The following TCF7L2 variants were observed in gnomAD, a reference collection of about 807,000 sequenced individuals.
TCF7L2 encodes the protein transcription factor 7 like 2.
A neutral mutation model predicts 77.9 loss-of-function variants in TCF7L2; 23 were observed. That is an observed-to-expected ratio of 0.30 (90% CI 0.21 to 0.42). The LOEUF (loss-of-function observed/expected upper bound fraction) is 0.42. Among genes scored for constraint, TCF7L2 ranks in the 10% least tolerant of loss-of-function variants. TCF7L2 has a pLI of 1.00. For synonymous variants in TCF7L2, 413 were observed against 340.2 expected (o/e 1.21, Z -2.36); for missense variants, 654 against 793.1 (o/e 0.82, Z 2.11).
At chr10:113,040,733 G>A (rs2052301364) in intron 5 of TCF7L2, among the ~76,000 whole-genome samples, 1 of 152,186 alleles carries the variant, frequency 6.6e-6, no homozygotes, top group Non-Finnish European at 1.5e-5. Context: ...AGTACTAAGA[G>A]ACTACAAGTG....
chr10:113,143,838 C>A (rs765830963), intron 6 of TCF7L2, 85 bp from the exon 7 acceptor site: 79 of 947,864 alleles, frequency 8.3e-5, no homozygotes, highest in Non-Finnish European at 1.2e-4. Context: ...TGCGTCTCTT[C>A]CTCCTTTCCC....
chr10:113,081,745 GTTAGTGTA>G (rs1213747594), intron 5 of TCF7L2, among the ~76,000 whole-genome samples: 1 of 152,200 alleles, frequency 6.6e-6, no homozygotes, highest in East Asian at 1.9e-4. Context: ...GCTGGTGCCA[GTTAGTGTA>G]TGGATGTCCT....
rs780571021 is a variant in TCF7L2, at chr10:113,146,069, G to T, written c.847G>T (p.Ala283Ser). ...AGGATTCAGACACCCCTACCCCACA[G>T]CTCTGACCGTCAATGCTTCCATGTC... is the stretch of plus-strand genomic sequence containing the variant. The change falls in exon 8 of 14, where the codon GCT becomes TCT. Residue 283 changes from alanine (A) to serine (S), a missense_variant. Ala to Ser is a moderately conservative substitution (Grantham distance 99). Transcript: ENST00000627217. 9 of 1,562,330 alleles carry T rather than the reference G, an allele frequency of 5.8e-6. No individual in the cohort carries two copies. The East Asian group carries it at 2.2e-4, about 38-fold the overall frequency.
chr10:113,144,104 G>GTGTGTGTC (rs2068864591), intron 7 of TCF7L2, 79 bp downstream of exon 7: 1 of 70,032 alleles, frequency 1.4e-5, no homozygotes, highest in African/African-American at 7.7e-5. Context: ...GTGTGTCTGT[G>GTGTGTGTC]TGTGTGTGTG....
chr10:113,035,048 G>A (rs533049331), intron 4 of TCF7L2, among the ~76,000 whole-genome samples: 23 of 146,956 alleles, frequency 1.6e-4, no homozygotes, highest in Non-Finnish European at 3.3e-4. Context: ...TTTCAACAGG[G>A]TCTCGCTCTG....
chr10:113,149,182 A>G (rs1303128978), intron 8 of TCF7L2, among the ~76,000 whole-genome samples: 2 of 152,230 alleles, frequency 1.3e-5, no homozygotes, highest in African/African-American at 4.8e-5. Context: ...AGCAGTGGGA[A>G]GGAACAGGGT....
At chr10:113,024,576 C>G (rs1314675444) in intron 4 of TCF7L2, among the ~76,000 whole-genome samples, 3 of 150,056 alleles carry the variant, frequency 2.0e-5, no homozygotes, top group Admixed American at 2.0e-4. Context: ...GGATGGGACC[C>G]AAATCTGAAC....
chr10:112,963,129 T>A (rs1306999548), intron 3 of TCF7L2, among the ~76,000 whole-genome samples: 1 of 152,130 alleles, frequency 6.6e-6, no homozygotes, highest in East Asian at 1.9e-4. Flanking sequence ...TTTCTATTTG[T>A]TTATTTGGAA....
chr10:113,117,262 G>A (rs537241192), intron 5 of TCF7L2, among the ~76,000 whole-genome samples: 1 of 152,014 alleles, frequency 6.6e-6, no homozygotes, highest in Non-Finnish European at 1.5e-5. Flanking sequence ...TGTGGTACTC[G>A]CACTATGGAA....
At chr10:113,143,310 C>G (rs1414273441) in intron 6 of TCF7L2, among the ~76,000 whole-genome samples, 1 of 152,278 alleles carries the variant, frequency 6.6e-6, no homozygotes, top group Non-Finnish European at 1.5e-5. Context: ...ATGGAGTACA[C>G]AAGCCTCCAA....
chr10:113,164,012 G>A (rs2073630426), intron 13 of TCF7L2, among the ~76,000 whole-genome samples: 1 of 152,200 alleles, frequency 6.6e-6, no homozygotes, highest in African/African-American at 2.4e-5. Flanking sequence ...TGCTTCCAGC[G>A]GCAGAAAGCT....
intron 4 of TCF7L2, among the ~76,000 whole-genome samples, chr10:112,971,205 TA>T (rs1445808728): frequency 6.6e-6 from 1 of 152,232 alleles, no homozygotes; most frequent in Non-Finnish European, 1.5e-5. Flanking sequence ...TATTAATTTT[TA>T]ATATTTAAAT....
chr10:113,022,551 C>A (rs2048424924), intron 4 of TCF7L2, among the ~76,000 whole-genome samples: 1 of 152,112 alleles, frequency 6.6e-6, no homozygotes, highest in Non-Finnish European at 1.5e-5. Flanking sequence ...TTTACTTAGC[C>A]TAAAGTGTTC....
chr10:113,166,747 A>G lies in TCF7L2; in HGVS notation c.*775A>G, dbSNP rs1302568997. 4.4e-6 allele frequency: 1 copy of G among 229,032 alleles called. No individual in the cohort carries two copies. Among genetic ancestry groups the G allele is most frequent in the African/African-American group, 2.2e-5 (1 of 45,116 alleles). The allele number at this position is 229,032 out of a possible 1,614,324, so 14.2% of individuals were successfully genotyped here. On this transcript the variant is annotated 3_prime_UTR_variant, in exon 14 of 14. Coordinates refer to ENST00000627217, the MANE Select transcript of TCF7L2 (RefSeq NM_001146274.2). ...CCCCCTTAGCATAAGCATCTTATAT[A>G]TAACAACTCATTTGTACAAGGTTTT...
intron 4 of TCF7L2, among the ~76,000 whole-genome samples, chr10:112,993,497 C>A (rs2042952301): frequency 6.6e-6 from 1 of 151,802 alleles, no homozygotes; most frequent in Admixed American, 6.6e-5. Context: ...TAGAGTGAGA[C>A]TCTGTCTCAA....
Position 113,133,749 on chromosome 10 carries a change from T to G in TCF7L2, c.553-7435T>G, listed in dbSNP as rs148489519. Among the ~76,000 whole-genome samples the G allele has an allele frequency of 1.5e-3, 227 of 152,340 alleles. 1 individual carries two copies. Among genetic ancestry groups the G allele is most frequent in the African/African-American group, 5.2e-3 (216 of 41,586 alleles). On this transcript the variant is annotated intron_variant, in intron 5 of 13. Coordinates refer to ENST00000627217, the MANE Select transcript of TCF7L2 (RefSeq NM_001146274.2). Reference sequence around the variant, plus strand: ...CACAGACGGCAGGGAGAATCATCTCTCTTCCTCTTCTTGCTGTCTAAATGG... The same window carrying G: ...CACAGACGGCAGGGAGAATCATCTCGCTTCCTCTTCTTGCTGTCTAAATGG...
rs1477073663 is a variant in TCF7L2, at chr10:112,966,184, T to TTATATATATTTTTATATATA, written c.450+1569_450+1570insTTTTATATATATATATATAT. Among the ~76,000 whole-genome samples the TTATATATATTTTTATATATA allele has an allele frequency of 6.1e-5, 7 of 114,232 alleles. No individual in the cohort carries two copies. In the South Asian group the frequency reaches 1.0e-3, roughly 17 times the overall value. The allele number at this position is 114,232 out of a possible 152,430, so 74.9% of individuals were successfully genotyped here. A position where few individuals can be genotyped will look rare whatever the true frequency, so the allele number is the denominator to read the frequency against. On this transcript the variant is annotated intron_variant, in intron 4 of 13. Transcript: ENST00000627217. ...GAGTGAGACTCTGTCTAAAATATAT[T>TTATATATATTTTTATATATA]TATATATATATATATATATATATAT...
At chr10:113,099,970 G>A (rs1035382086) in intron 5 of TCF7L2, among the ~76,000 whole-genome samples, 3 of 152,098 alleles carry the variant, frequency 2.0e-5, no homozygotes, top group African/African-American at 4.8e-5. Flanking sequence ...TGCCCTCCAC[G>A]CAAGTACCCC....
At chr10:113,073,327 T>C (rs1360214423) in intron 5 of TCF7L2, among the ~76,000 whole-genome samples, 1 of 151,378 alleles carries the variant, frequency 6.6e-6, no homozygotes, top group African/African-American at 2.4e-5. Flanking sequence ...TGTTGAATTA[T>C]CATCTTGGTG....
Sources: gnomAD v4.1 joint callset for allele counts (sites outside exome capture counted in the v4.1 genomes callset) on GRCh38, gnomAD v4.1.1 for gene constraint, MANE v1.5 for transcripts, NCBI Gene and HGNC (gene_info 2026-07-23, HGNC 2026-07-21) for gene names.